The following RORA variants were observed in gnomAD, a reference collection of about 807,000 sequenced individuals.
RORA encodes nuclear receptor ROR-alpha.
RORA carries 7 observed loss-of-function variants against 69.5 expected under a neutral mutation model. The observed-to-expected ratio is 0.10, with a 90% confidence interval of 0.06 to 0.19. The LOEUF is 0.19. RORA is among the 10% of genes least tolerant of loss of function. RORA has a pLI of 1.00. For missense variants in RORA, 457 were observed against 663.0 expected, an observed-to-expected ratio of 0.69 and a Z score of 3.41; for synonymous variants, 261 against 240.8, an observed-to-expected ratio of 1.08 and a Z score of -0.78.
chr15:60,499,930 G>T lies in RORA; in HGVS notation c.1369C>A (p.Leu457Ile). The T allele has an allele frequency of 6.2e-7, 1 of 1,612,414 alleles. No homozygotes were observed. ...CCATCTTCTCGGTGATTCTTCTGTA[G>T]GACGTGTTGAAGAGCTAGCTGAATT... ...QKIQLALQHV[L>I]QKNHREDGIL... is the part of the protein sequence containing the mutation. The change falls in exon 10 of 11, where the codon CTA becomes ATA. Residue 457 changes from leucine (L) to isoleucine (I), a missense_variant. By Grantham distance (5) the Leu-to-Ile change is conservative. Around this residue, in one of 3 missense-constraint regions of RORA, gnomAD observed 304 missense variants for 447.4 expected, o/e 0.68. Transcript: ENST00000335670.
chr15:60,637,859 T>A (rs2069868904), intron 2 of RORA, among the ~76,000 whole-genome samples: 1 of 152,158 alleles, frequency 6.6e-6, no homozygotes, highest in Non-Finnish European at 1.5e-5. Flanking sequence ...ACTATTCTTA[T>A]TTCTTTCAAC....
chr15:60,971,528 CTG>C (rs1215159774), intron 1 of RORA, among the ~76,000 whole-genome samples: 1 of 152,182 alleles, frequency 6.6e-6, no homozygotes, highest in Non-Finnish European at 1.5e-5. Context: ...AATTCCCACT[CTG>C]TATGGTTTTT....
chr15:60,994,335 T>C (rs1043893630), intron 1 of RORA, among the ~76,000 whole-genome samples: 1 of 152,226 alleles, frequency 6.6e-6, no homozygotes, highest in Non-Finnish European at 1.5e-5. Context: ...TCTCCTCAAA[T>C]GTAGTAGCTG....
At chr15:60,674,870 AAGC>A (rs1384783135) in intron 2 of RORA, among the ~76,000 whole-genome samples, 3 of 152,164 alleles carry the variant, frequency 2.0e-5, no homozygotes, top group African/African-American at 7.2e-5. Flanking sequence ...GTGTGGGAGA[AAGC>A]AGGCAGGGCA....
intron 1 of RORA, among the ~76,000 whole-genome samples, chr15:61,170,534 C>G (rs1031208515): frequency 2.0e-5 from 3 of 152,208 alleles, no homozygotes; most frequent in African/African-American, 7.2e-5. Flanking sequence ...ATCGCATGTG[C>G]AAGGTCGCTT....
intron 1 of RORA, among the ~76,000 whole-genome samples, chr15:60,866,736 G>A (rs1248895054): frequency 1.3e-5 from 2 of 152,136 alleles, no homozygotes; most frequent in African/African-American, 2.4e-5. Flanking sequence ...AGACATAGAG[G>A]TGCTGGGAGG....
At chr15:61,099,026 A>G (rs1183417548) in intron 1 of RORA, among the ~76,000 whole-genome samples, 1 of 152,230 alleles carries the variant, frequency 6.6e-6, no homozygotes, top group African/African-American at 2.4e-5. Flanking sequence ...GAAAATGAAA[A>G]GTCATCATCA....
chr15:60,851,560 G>A (rs1157441604), intron 1 of RORA, among the ~76,000 whole-genome samples: 1 of 152,164 alleles, frequency 6.6e-6, no homozygotes, highest in Non-Finnish European at 1.5e-5. Context: ...CCTACTCTGA[G>A]TTTGCTGAAA....
intron 1 of RORA, among the ~76,000 whole-genome samples, chr15:60,907,370 G>C (rs912479079): frequency 6.6e-6 from 1 of 152,190 alleles, no homozygotes; most frequent in Non-Finnish European, 1.5e-5. Flanking sequence ...TCAGTGGAAA[G>C]AGCAATGTAA....
At chr15:60,523,381 C>A (rs1215452680) in intron 3 of RORA, among the ~76,000 whole-genome samples, 1 of 152,120 alleles carries the variant, frequency 6.6e-6, no homozygotes, top group Non-Finnish European at 1.5e-5. Context: ...CAGTGAGAAT[C>A]ATTTGTCTAT....
At chr15:61,201,290 G>A (rs549213040) in intron 1 of RORA, among the ~76,000 whole-genome samples, 2 of 152,276 alleles carry the variant, frequency 1.3e-5, no homozygotes, top group Non-Finnish European at 2.9e-5. Context: ...CAAAATAAAG[G>A]GAAAGAATTA....
intron 1 of RORA, among the ~76,000 whole-genome samples, chr15:61,104,777 T>C (rs1349385416): frequency 6.6e-6 from 1 of 152,206 alleles, no homozygotes; most frequent in East Asian, 1.9e-4. Flanking sequence ...ATGGTTTGGC[T>C]GTGTCCCACC....
In RORA at chr15:61,128,984, T is replaced by C. The variant is rs569823681; in HGVS notation, c.166+100069A>G. On this transcript the variant is annotated intron_variant, in intron 1 of 10. Transcript: ENST00000335670. The surrounding 1 kb of genome is among the most constrained non-coding windows in gnomAD (Gnocchi z 4.5). The stretch of plus-strand genomic sequence containing the variant: ...CCTTAACCCTTTACAAAATAATAAC[T>C]AGTGTCATGAATTAAAATAGCTGAA... Among the ~76,000 whole-genome samples the C allele has an allele frequency of 2.0e-5, 3 of 152,260 alleles. 1 individual carries two copies. The Middle Eastern group carries it at 0.01, about 518-fold the overall frequency.
intron 1 of RORA, among the ~76,000 whole-genome samples, chr15:60,793,539 CA>C (rs1595719135): frequency 8.4e-6 from 1 of 118,410 alleles, no homozygotes; most frequent in East Asian, 2.2e-4. Context: ...TGCTGGATGC[CA>C]GTTTCTTAAG....
chr15:60,727,357 C>G lies in RORA; in HGVS notation c.167-48671G>C, dbSNP rs1048114244. 2.6e-5 allele frequency among the ~76,000 whole-genome samples: 4 copies of G among 152,132 alleles called. No individual in the cohort carries two copies. In the South Asian group the frequency reaches 6.2e-4, roughly 24 times the overall value. ...TTCCCAACATACCTTCCTTAGTGAA[C>G]AGACCCCTGCTTAGATTTACCTACA... On this transcript the variant is annotated intron_variant, in intron 1 of 10. Transcript: ENST00000335670.
At chr15:60,803,801 A>G (rs1190292754) in intron 1 of RORA, among the ~76,000 whole-genome samples, 2 of 152,176 alleles carry the variant, frequency 1.3e-5, no homozygotes, top group Non-Finnish European at 1.5e-5. Context: ...CCAGTTACCC[A>G]AAAAGAGATG....
intron 2 of RORA, among the ~76,000 whole-genome samples, chr15:60,672,859 G>C (rs929144529): frequency 6.6e-6 from 1 of 152,196 alleles, no homozygotes; most frequent in Non-Finnish European, 1.5e-5. Context: ...TGGTACTACT[G>C]CTATTACTTC....
chr15:61,227,958 CAAGA>C (rs1303097897), intron 1 of RORA, among the ~76,000 whole-genome samples: 7 of 152,194 alleles, frequency 4.6e-5, no homozygotes, highest in African/African-American at 9.7e-5. Flanking sequence ...CCAATACCTT[CAAGA>C]AAGAGTGAGC....
chr15:61,046,580 C>T (rs559100843), intron 1 of RORA, among the ~76,000 whole-genome samples: 6 of 152,326 alleles, frequency 3.9e-5, no homozygotes, highest in South Asian at 2.1e-4. Context: ...CATGCAAATG[C>T]AGGGTGATCC....
Sources: gnomAD v4.1 joint callset for allele counts (sites outside exome capture counted in the v4.1 genomes callset) on GRCh38, gnomAD v4.1.1 for gene constraint, gnomAD v4.1.1 regional missense constraint, Gnocchi (gnomAD v3.1) non-coding constraint, MANE v1.5 for transcripts, NCBI Gene and HGNC (gene_info 2026-07-23, HGNC 2026-07-21) for gene names.